ITGAX: variants seen among roughly 807,000 people sequenced by gnomAD.
ITGAX encodes integrin subunit alpha X.
A neutral mutation model predicts 140.2 loss-of-function variants in ITGAX; 99 were observed. The observed-to-expected ratio is 0.71, with a 90% CI of 0.60 to 0.83. The LOEUF is 0.83. Ranked by LOEUF, ITGAX falls within the 40% of genes least tolerant of loss-of-function variation. ITGAX has a pLI of 0.00. For synonymous variants in ITGAX, 631 were observed against 600.4 expected, an observed-to-expected ratio of 1.05 and a Z score of -0.75; for missense variants, 1,444 against 1,482.0, an observed-to-expected ratio of 0.97 and a Z score of 0.42.
intron 20 of ITGAX, among the ~76,000 whole-genome samples, chr16:31,374,148 G>A (rs2080998519): frequency 1.3e-5 from 2 of 152,146 alleles, no homozygotes; most frequent in Admixed American, 1.3e-4. Context: ...AATTAGCTGG[G>A]TGTGGTGGCA....
chr16:31,382,721 G>C lies in ITGAX; in HGVS notation c.*814G>C. 1 of 548,456 alleles carries C rather than the reference G, an allele frequency of 1.8e-6. No homozygotes were observed. Among genetic ancestry groups the C allele is most frequent in the South Asian group, 2.2e-5 (1 of 45,970 alleles). 34.0% of individuals were successfully genotyped at this position (548,456 alleles called of 1,614,324 possible). On this transcript the variant is annotated 3_prime_UTR_variant, in exon 30 of 30. Coordinates refer to ENST00000268296, the MANE Select transcript of ITGAX (RefSeq NM_000887.5). ...TTCTGCACAGCTGGCCTCCCGCGTT[G>C]GGCAACATTGCTGGCTGGAAGGGAG...
At position 31,382,061 on chromosome 16, in the gene ITGAX, A is replaced by C; in HGVS notation, c.*154A>C. 6.9e-7 allele frequency: 1 copy of C among 1,440,058 alleles called. No individual in the cohort carries two copies. 89.2% of individuals were successfully genotyped at this position (1,440,058 alleles called of 1,614,324 possible). On this transcript the variant is annotated 3_prime_UTR_variant, in exon 30 of 30. Coordinates refer to ENST00000268296, the MANE Select transcript of ITGAX (RefSeq NM_000887.5). ...TTGGGAGAAAACGTCTTGCTTGGGA[A>C]GGGGCCTTTGTCTTGTCAAGGTTCC...
chr16:31,364,083 C>T (rs573479346), intron 14 of ITGAX, among the ~76,000 whole-genome samples: 11 of 152,208 alleles, frequency 7.2e-5, no homozygotes, highest in East Asian at 1.9e-4. Context: ...TCCCTGAGAA[C>T]GAAGGGCTGC....
rs1048356885 is a variant in ITGAX at position 31,382,553 on chromosome 16, G to C, written c.*646G>C. 1 of 943,620 alleles carries C rather than the reference G, an allele frequency of 1.1e-6. No homozygotes were observed. Among genetic ancestry groups the C allele is most frequent in the South Asian group, 1.4e-5 (1 of 72,276 alleles). The allele number at this position is 943,620 out of a possible 1,614,324, so 58.5% of individuals were successfully genotyped here. A position where few individuals can be genotyped will look rare whatever the true frequency, so the allele number is the denominator to read the frequency against. On this transcript the variant is annotated 3_prime_UTR_variant, in exon 30 of 30. Coordinates refer to ENST00000268296, the MANE Select transcript of ITGAX (RefSeq NM_000887.5). ...CATCCCAGAGGGTGGGCTTCAGGGC[G>C]CACAGCATGAGAGGCTCTGTGCCCC...
chr16:31,372,622 C>A lies in ITGAX; in HGVS notation c.2318C>A (p.Ala773Asp), dbSNP rs760583564. The change falls in exon 19 of 30, where the codon GCC becomes GAC. Residue 773 changes from alanine to aspartate, a missense_variant. Coordinates refer to ENST00000268296, the MANE Select transcript of ITGAX (RefSeq NM_000887.5). ...ASLPFEKNCG[A>D]DHICQDNLGI... ...CTACCCTTTGAGAAGAACTGTGGAG[C>A]CGACCATATCTGCCAGGACAATCTC... is the stretch of plus-strand genomic sequence containing the variant. The A allele has an allele frequency of 3.1e-6, 5 of 1,614,152 alleles. No homozygotes were observed. Among genetic ancestry groups the A allele is most frequent in the Non-Finnish European group, 4.2e-6 (5 of 1,180,006 alleles).
chr16:31,362,651 C>G lies in ITGAX; in HGVS notation c.1257C>G (p.Ser419Arg). 9 of 1,613,342 alleles carry G rather than the reference C, an allele frequency of 5.6e-6. No individual in the cohort carries two copies. Among genetic ancestry groups the G allele is most frequent in the Non-Finnish European group, 7.6e-6 (9 of 1,179,742 alleles). ...TELALWKGVQ[S>R]LVLGAPRYQH... ...TGGCCCTCTGGAAAGGGGTGCAGAG[C>G]CTGGTCCTGGGGGCCCCCCGCTACC... The change falls in exon 12 of 30, where the codon AGC becomes AGG. Residue 419 changes from serine (S) to arginine (R), a missense_variant. Ser to Arg is a moderately radical substitution (Grantham distance 110). Coordinates refer to ENST00000268296, the MANE Select transcript of ITGAX (RefSeq NM_000887.5).
At chr16:31,361,483 G>A in intron 9 of ITGAX, 1 of 666,210 alleles carries the variant, frequency 1.5e-6, no homozygotes, top group South Asian at 1.9e-5. Flanking sequence ...GCAGTGCCAG[G>A]CCCAACCCAG....
chr16:31,356,855 CT>C, intron 3 of ITGAX, 127 bp downstream of exon 3: 1 of 841,028 alleles, frequency 1.2e-6, no homozygotes. Context: ...CTCAGATATG[CT>C]TCCTGGCCCC....
intron 2 of ITGAX, 87 bp downstream of exon 2, chr16:31,356,085 C>T (rs2080757285): frequency 3.3e-6 from 3 of 911,514 alleles, no homozygotes; most frequent in Non-Finnish European, 3.4e-6. Context: ...CTGTTATTTG[C>T]AAACTCTCCT....
At chr16:31,368,497 C>CAAA (rs34411912) in intron 14 of ITGAX, among the ~76,000 whole-genome samples, 10 of 125,338 alleles carry the variant, frequency 8.0e-5, no homozygotes, top group East Asian at 2.2e-4. Context: ...AAGTGTGTCT[C>CAAA]AAAAAAAAAA....
At position 31,379,738 on chromosome 16, in the gene ITGAX, C is replaced by A; in HGVS notation, c.2869-19C>A. On this transcript the variant is annotated intron_variant, in intron 24 of 29. Coordinates refer to ENST00000268296, the MANE Select transcript of ITGAX (RefSeq NM_000887.5). ...TTTGGGCTTTGGCGTGGGCTCTGCCCTCAGTGCCCTCTGTGCAGGTCAATA... is the reference window on the plus strand; with the variant it reads ...TTTGGGCTTTGGCGTGGGCTCTGCCATCAGTGCCCTCTGTGCAGGTCAATA... 6.2e-7 allele frequency: 1 copy of A among 1,608,810 alleles called. No individual in the cohort carries two copies. Among genetic ancestry groups the A allele is most frequent in the East Asian group, 2.2e-5 (1 of 44,678 alleles).
In ITGAX at chr16:31,376,814, C is replaced by T. The variant is rs138066479; in HGVS notation, c.2524C>T (p.Arg842Cys). The T allele has an allele frequency of 2.3e-4, 371 of 1,614,148 alleles. 1 individual carries two copies. Among genetic ancestry groups the T allele is most frequent in the Admixed American group, 6.2e-4 (37 of 60,018 alleles). ...TCATGCCTAGAAACAAGGGCAGCTG[C>T]GTTCCCTGCACCTGACATGTGACAG... ...VAEGQKQGQLRSLHLTCDSAP... is the reference protein window; with the variant it reads ...VAEGQKQGQLCSLHLTCDSAP... Residue 842 changes from arginine (R) to cysteine (C), a missense_variant, in exon 21 of 30, where the codon CGT becomes TGT. Arg to Cys is a radical substitution (Grantham distance 180). Coordinates refer to ENST00000268296, the MANE Select transcript of ITGAX (RefSeq NM_000887.5).
chr16:31,372,474 C>T lies in ITGAX; in HGVS notation c.2257C>T (p.Leu753=), dbSNP rs933609528. Residue 753 remains leucine, a synonymous_variant, in exon 18 of 30, where the codon CTG becomes TTG. Transcript: ENST00000268296. ...LLAFRNLRPM[L]AADAQRYFTA... ...TGCCTTCAGAAACCTGCGGCCTATG[C>T]TGGCCGCCGATGCTCAGAGATACTT... 9.3e-6 allele frequency: 15 copies of T among 1,607,974 alleles called. No individual in the cohort carries two copies. Among genetic ancestry groups the T allele is most frequent in the Non-Finnish European group, 1.3e-5 (15 of 1,178,490 alleles).
At chr16:31,362,306 G>A (rs1276749881) in intron 11 of ITGAX, 102 bp downstream of exon 11, 9 of 1,535,444 alleles carry the variant, frequency 5.9e-6, no homozygotes, top group African/African-American at 2.7e-5. Flanking sequence ...GCCCAGGGTG[G>A]GGTCCAGGCT....
rs533928230 is a variant in ITGAX, at chr16:31,380,570, C to T, written c.3222C>T (p.Phe1074=). ...TCGTGAGTGTGGCTGAAATTACGTTCGACACATCCGTGTACTCCCAGCTTC... is the reference window on the plus strand; with the variant it reads ...TCGTGAGTGTGGCTGAAATTACGTTTGACACATCCGTGTACTCCCAGCTTC... The part of the protein sequence containing the change: ...VSVVSVAEIT[F]DTSVYSQLPG... Residue 1074 remains phenylalanine, a synonymous_variant, in exon 28 of 30, where the codon TTC becomes TTT. Coordinates refer to ENST00000268296, the MANE Select transcript of ITGAX (RefSeq NM_000887.5). 4.8e-5 allele frequency: 77 copies of T among 1,614,108 alleles called. No individual in the cohort carries two copies. Among genetic ancestry groups the T allele is most frequent in the Middle Eastern group, 1.6e-4 (1 of 6,084 alleles).
chr16:31,362,788 G>A, intron 12 of ITGAX, 35 bp downstream of exon 12: 2 of 1,612,796 alleles, frequency 1.2e-6, no homozygotes, highest in Non-Finnish European at 1.7e-6. Context: ...GGAGGATGAG[G>A]GTAGGGGAGG....
chr16:31,374,307 G>T (rs1431964610), intron 20 of ITGAX, among the ~76,000 whole-genome samples: 1 of 151,564 alleles, frequency 6.6e-6, no homozygotes, highest in Non-Finnish European at 1.5e-5. Flanking sequence ...AAGTTATTAT[G>T]AAAAATTTAA....
At chr16:31,363,399 A>AG in intron 14 of ITGAX, 25 bp downstream of exon 14, 1 of 1,611,500 alleles carries the variant, frequency 6.2e-7, no homozygotes, top group Non-Finnish European at 8.5e-7. Flanking sequence ...CATTTCTGTC[A>AG]CTAGAGCAGC....
chr16:31,361,118 C>T lies in ITGAX; in HGVS notation c.917C>T (p.Ser306Leu). The T allele has an allele frequency of 1.9e-6, 3 of 1,613,654 alleles. No individual in the cohort carries two copies. The highest frequency in any genetic ancestry group is 1.1e-5 in the South Asian group (1 of 90,934). The change falls in exon 9 of 30, where the codon TCG becomes TTG. Residue 306 changes from serine (S) to leucine (L), a missense_variant. Ser to Leu is a moderately radical substitution (Grantham distance 145, BLOSUM62 -2). Coordinates refer to ENST00000268296, the MANE Select transcript of ITGAX (RefSeq NM_000887.5). ...NSWKELNDIASKPSQEHIFKV... is the reference protein window; with the variant it reads ...NSWKELNDIALKPSQEHIFKV... The stretch of plus-strand genomic sequence containing the variant: ...TGGAAAGAATTAAATGACATTGCAT[C>T]GAAGCCCTCCCAGGAACACATATTT...
Sources: gnomAD v4.1 joint callset for allele counts (sites outside exome capture counted in the v4.1 genomes callset) on GRCh38, gnomAD v4.1.1 for gene constraint, MANE v1.5 for transcripts, NCBI Gene and HGNC (gene_info 2026-07-23, HGNC 2026-07-21) for gene names.